AFDN: variants seen among roughly 807,000 people sequenced by gnomAD.
AFDN encodes afadin.
AFDN carries 68 observed loss-of-function variants against 216.6 expected under a neutral mutation model. The ratio of observed to expected loss-of-function variants is 0.31; its 90% CI spans 0.26 to 0.38. AFDN has a LOEUF of 0.38. Ranked by LOEUF, AFDN falls within the 10% of genes least tolerant of loss-of-function variation. AFDN has a pLI of 1.00. For missense variants in AFDN, 2,136 were observed against 2,342.0 expected, an observed-to-expected ratio of 0.91 and a Z score of 1.82; for synonymous variants, 868 against 853.7, an observed-to-expected ratio of 1.02 and a Z score of -0.29.
intron 1 of AFDN, among the ~76,000 whole-genome samples, chr6:167,857,181 TAC>T (rs1233325654): frequency 1.3e-5 from 2 of 152,054 alleles, no homozygotes; most frequent in African/African-American, 4.8e-5. Flanking sequence ...GCTTACTAAA[TAC>T]AGTGTTGTCA....
intron 16 of AFDN, 165 bp downstream of exon 16, chr6:167,913,588 T>A: frequency 1.7e-6 from 1 of 595,430 alleles, no homozygotes; most frequent in Non-Finnish European, 2.9e-6. Flanking sequence ...GTGCAACCTT[T>A]ATCGGCATTT....
chr6:167,969,964 AC>A lies in AFDN; in HGVS notation c.*33del. ...AAAATGAGGAGAACACTTTGTATTTACCCCAAAATCTTTTCAGTTGTGGGTT... is the reference window on the plus strand; with the variant it reads ...AAAATGAGGAGAACACTTTGTATTTACCCAAAATCTTTTCAGTTGTGGGTT... On this transcript the variant is annotated 3_prime_UTR_variant, in exon 34 of 34. Coordinates refer to ENST00000683244, the MANE Select transcript of AFDN (RefSeq NM_001386888.1). The A allele has an allele frequency of 6.3e-7, 1 of 1,577,878 alleles. No homozygotes were observed. Among genetic ancestry groups the A allele is most frequent in the Admixed American group, 1.9e-5 (1 of 52,236 alleles).
chr6:167,890,360 T>G (rs1236571443), intron 7 of AFDN, among the ~76,000 whole-genome samples: 2 of 152,260 alleles, frequency 1.3e-5, no homozygotes, highest in African/African-American at 2.4e-5. Flanking sequence ...TATATTTTGT[T>G]AGTAATAGAA....
chr6:167,908,835 G>C (rs1371284287), intron 13 of AFDN, among the ~76,000 whole-genome samples: 7 of 152,092 alleles, frequency 4.6e-5, no homozygotes, highest in Non-Finnish European at 1.0e-4. Flanking sequence ...GAGCCTTTCT[G>C]CTCCATTCTT....
chr6:167,968,056 C>CT (rs1797730388), intron 32 of AFDN, among the ~76,000 whole-genome samples: 1 of 152,076 alleles, frequency 6.6e-6, no homozygotes. Flanking sequence ...ATTTGATACT[C>CT]TTAAGTCTAA....
chr6:167,883,719 A>G (rs1001994094), intron 6 of AFDN, among the ~76,000 whole-genome samples: 13 of 152,354 alleles, frequency 8.5e-5, no homozygotes, highest in African/African-American at 2.9e-4. Flanking sequence ...CAGTCATCTG[A>G]GCCTTCAGCA....
chr6:167,827,149 G>C lies in AFDN; in HGVS notation c.17G>C (p.Arg6Pro), dbSNP rs777103985. ...GCCAGGACCATGTCGGCGGGCGGCCGTGACGAGGAGCGGCGGAAGCTGGCC... is the reference window on the plus strand; with the variant it reads ...GCCAGGACCATGTCGGCGGGCGGCCCTGACGAGGAGCGGCGGAAGCTGGCC... MSAGG[R>P]DEERRKLADI... The change falls in exon 1 of 34, where the codon CGT (arginine) becomes CCT (proline). Residue 6 changes from arginine to proline, a missense_variant. This residue lies in a region of AFDN where 81 missense variants were observed against 51.2 expected (regional missense o/e 1.58). Transcript: ENST00000683244. 2.3e-6 allele frequency: 3 copies of C among 1,293,700 alleles called. No homozygotes were observed. Among genetic ancestry groups the C allele is most frequent in the Non-Finnish European group, 2.0e-6 (2 of 992,326 alleles). The allele number at this position is 1,293,700 out of a possible 1,614,324, so 80.1% of individuals were successfully genotyped here.
At chr6:167,947,095 T>C (rs1322203749) in intron 27 of AFDN, among the ~76,000 whole-genome samples, 194 bp downstream of exon 27, 1 of 152,194 alleles carries the variant, frequency 6.6e-6, no homozygotes, top group Non-Finnish European at 1.5e-5. Flanking sequence ...TTAGATTCAG[T>C]TGATCCCATA....
At chr6:167,875,601 C>T in intron 5 of AFDN, 106 bp downstream of exon 5, 3 of 1,188,318 alleles carry the variant, frequency 2.5e-6, no homozygotes, top group Non-Finnish European at 3.6e-6. Context: ...GGTGGTGTAA[C>T]CTTTTCATAA....
At chr6:167,915,810 G>A (rs1452642052) in intron 19 of AFDN, among the ~76,000 whole-genome samples, 2 of 152,160 alleles carry the variant, frequency 1.3e-5, no homozygotes, top group East Asian at 1.9e-4. Context: ...CATGCACAAA[G>A]TTATTTCAAA....
chr6:167,916,618 T>C (rs926654061), intron 19 of AFDN, among the ~76,000 whole-genome samples: 1 of 152,158 alleles, frequency 6.6e-6, no homozygotes, highest in African/African-American at 2.4e-5. Context: ...ATTAACGAAA[T>C]GAGTCATCTA....
chr6:167,946,309 G>A (rs1417975609), intron 26 of AFDN, among the ~76,000 whole-genome samples: 5 of 152,204 alleles, frequency 3.3e-5, no homozygotes, highest in African/African-American at 4.8e-5. Context: ...CGCCAGGAGC[G>A]GAAGGCTCAC....
Position 167,880,423 on chromosome 6 carries a change from T to C in AFDN, c.803T>C (p.Leu268Pro), listed in dbSNP as rs1189828393. ...AATATTCCCTACAAGACAATCCTGCTGTCTACTACAGATCCTGCAGACTTT... is the reference window on the plus strand; with the variant it reads ...AATATTCCCTACAAGACAATCCTGCCGTCTACTACAGATCCTGCAGACTTT... ...KPNIPYKTIL[L>P]STTDPADFAV... is the part of the protein sequence containing the mutation. Residue 268 changes from leucine to proline, a missense_variant, in exon 6 of 34, where the codon CTG becomes CCG. By Grantham distance (98) the Leu-to-Pro change is moderately conservative. Around this residue, in one of 8 missense-constraint regions of AFDN, gnomAD observed 817 missense variants for 965.7 expected, o/e 0.85. Coordinates refer to ENST00000683244, the MANE Select transcript of AFDN (RefSeq NM_001386888.1). 1 of 1,613,662 alleles carries C rather than the reference T, an allele frequency of 6.2e-7. No individual in the cohort carries two copies. Among genetic ancestry groups the C allele is most frequent in the Admixed American group, 1.7e-5 (1 of 60,008 alleles).
intron 10 of AFDN, among the ~76,000 whole-genome samples, 158 bp downstream of exon 10, chr6:167,897,130 A>G (rs1788361374): frequency 6.6e-6 from 1 of 152,192 alleles, no homozygotes; most frequent in Non-Finnish European, 1.5e-5. Context: ...TCTCTGCTTT[A>G]GTGTGGAAAC....
intron 15 of AFDN, chr6:167,911,893 G>A (rs79428303): frequency 0.017 from 3,922 of 235,086 alleles, 49 homozygotes; most frequent in Non-Finnish European, 0.024. Flanking sequence ...GTTCCAAAAC[G>A]TCTCCATCAC....
intron 32 of AFDN, among the ~76,000 whole-genome samples, chr6:167,966,844 G>C (rs893285899): frequency 1.3e-5 from 2 of 152,154 alleles, no homozygotes; most frequent in African/African-American, 4.8e-5. Context: ...CCTCACGCCA[G>C]GGTCCAGAGA....
intron 13 of AFDN, among the ~76,000 whole-genome samples, chr6:167,908,273 G>GC (rs1006093574): frequency 6.6e-6 from 1 of 152,198 alleles, no homozygotes; most frequent in African/African-American, 2.4e-5. Context: ...CCAGCAGAGG[G>GC]CACTGGATAT....
intron 23 of AFDN, among the ~76,000 whole-genome samples, chr6:167,934,894 G>A (rs1319234263): frequency 2.0e-5 from 3 of 152,222 alleles, no homozygotes; most frequent in African/African-American, 7.2e-5. Flanking sequence ...AAAAGAATTA[G>A]AGAAGACATT....
At chr6:167,939,559 G>A (rs1021850666) in intron 23 of AFDN, among the ~76,000 whole-genome samples, 1 of 152,186 alleles carries the variant, frequency 6.6e-6, no homozygotes, top group African/African-American at 2.4e-5. Flanking sequence ...GCTCCCAAAC[G>A]GCAAAGGTGT....
Sources: gnomAD v4.1 joint callset for allele counts (sites outside exome capture counted in the v4.1 genomes callset) on GRCh38, gnomAD v4.1.1 for gene constraint, gnomAD v4.1.1 regional missense constraint, MANE v1.5 for transcripts, NCBI Gene and HGNC (gene_info 2026-07-23, HGNC 2026-07-21) for gene names.